TIMM50: variants seen among roughly 807,000 people sequenced by gnomAD.
The protein encoded by TIMM50 is mitochondrial import inner membrane translocase subunit TIM50.
Under a neutral mutation model 49.6 loss-of-function variants are expected in TIMM50, and 34 were observed. That is an observed-to-expected ratio of 0.69 (90% CI 0.52 to 0.91). The LOEUF is 0.91. Ranked by LOEUF, TIMM50 falls within the 40% of genes least tolerant of loss-of-function variation. TIMM50 has a pLI of 0.00. For synonymous variants in TIMM50, 199 were observed against 198.4 expected (o/e 1.00, Z -0.03); for missense variants, 458 against 477.8 (o/e 0.96, Z 0.39).
Position 39,485,631 on chromosome 19 carries a change from A to G in TIMM50, c.372+29A>G, listed in dbSNP as rs1477720353. Reference sequence around the variant, plus strand: ...AGCAGAAGCCCTGGGCTCAGTCCCCATGTCTCCAGCCCTGGCCTCCTTGTC... The same window carrying G: ...AGCAGAAGCCCTGGGCTCAGTCCCCGTGTCTCCAGCCCTGGCCTCCTTGTC... On this transcript the variant is annotated intron_variant, in intron 5 of 10. Transcript: ENST00000607714. 5.6e-6 allele frequency: 9 copies of G among 1,614,014 alleles called. No homozygotes were observed. In the South Asian group the frequency reaches 8.8e-5, roughly 16 times the overall value.
chr19:39,488,492 C>T (rs1267121278), intron 9 of TIMM50, 47 bp from the exon 10 acceptor site: 2 of 1,564,976 alleles, frequency 1.3e-6, no homozygotes, highest in South Asian at 1.1e-5. Flanking sequence ...CCCTGCCTCC[C>T]TCTGGCCTTT....
rs2146157485 is a variant in TIMM50, at chr19:39,486,474, C to A, written c.675C>A (p.Tyr225Ter). The A allele has an allele frequency of 6.2e-7, 1 of 1,614,146 alleles. No individual in the cohort carries two copies. Among genetic ancestry groups the A allele is most frequent in the African/African-American group, 1.3e-5 (1 of 75,040 alleles). Residue 225 changes from tyrosine to a stop codon, truncating the protein, a stop_gained, in exon 8 of 11, where the codon TAC (tyrosine) becomes TAA (stop). Coordinates refer to ENST00000607714, the MANE Select transcript of TIMM50 (RefSeq NM_001001563.5). LOFTEE classifies it high-confidence loss of function. ...SYRLFRDATR[Y>*]MDGHHVKDIS... is the part of the protein sequence containing the mutation. The stretch of plus-strand genomic sequence containing the variant: ...GCCTATTCCGGGACGCCACAAGATA[C>A]ATGGATGGACACCATGTAAAGGTGC...
At chr19:39,482,494 A>G (rs1200807337) in intron 2 of TIMM50, among the ~76,000 whole-genome samples, 3 of 92,870 alleles carry the variant, frequency 3.2e-5, no homozygotes, top group African/African-American at 1.7e-4. Context: ...CATCTCTACT[A>G]AAAATACAAA....
At position 39,490,604 on chromosome 19, in the gene TIMM50, G is replaced by A. The variant is rs1404189900; in HGVS notation, c.*784G>A. 1 of 151,894 alleles carries A rather than the reference G, an allele frequency of 6.6e-6. No homozygotes were observed. Among genetic ancestry groups the A allele is most frequent in the Non-Finnish European group, 1.5e-5 (1 of 68,004 alleles). 9.4% of individuals were successfully genotyped at this position (151,894 alleles called of 1,614,324 possible). On this transcript the variant is annotated 3_prime_UTR_variant, in exon 11 of 11. Coordinates refer to ENST00000607714, the MANE Select transcript of TIMM50 (RefSeq NM_001001563.5). ...GAGATGGGGTCTTGGTGCCCAAGCT[G>A]GTCTCAAACTCCTAGTCTTAAGCAA...
rs1305664939 is a variant in TIMM50, at chr19:39,492,929, C to G, written c.*3109C>G. 1.3e-5 allele frequency: 2 copies of G among 150,816 alleles called. No homozygotes were observed. Among genetic ancestry groups the G allele is most frequent in the African/African-American group, 2.4e-5 (1 of 41,078 alleles). 9.3% of individuals were successfully genotyped at this position (150,816 alleles called of 1,614,324 possible). On this transcript the variant is annotated 3_prime_UTR_variant, in exon 11 of 11. Transcript: ENST00000607714. ...CCAGTTTGACTTTATCTCCCTCGCC[C>G]TGCCTCCATCCCCACATTGCCCCCC...
intron 7 of TIMM50, 39 bp downstream of exon 7, chr19:39,486,330 G>T (rs759926150): frequency 2.5e-6 from 4 of 1,612,890 alleles, no homozygotes. Context: ...TTGGTGTGGT[G>T]GGAGGCGTAG....
At chr19:39,484,418 T>G (rs2079491585) in intron 4 of TIMM50, among the ~76,000 whole-genome samples, 1 of 151,948 alleles carries the variant, frequency 6.6e-6, no homozygotes, top group Non-Finnish European at 1.5e-5. Flanking sequence ...AAAAAATAAG[T>G]TAAAATGAGA....
chr19:39,486,508 C>T lies in TIMM50; in HGVS notation c.696+13C>T, dbSNP rs1468744371. ...ACACCATGTAAAGGTGCCGTGGGTT[C>T]ATGGGTGGGCCTCTGGGATTTGGCG... On this transcript the variant is annotated intron_variant, in intron 8 of 10. Coordinates refer to ENST00000607714, the MANE Select transcript of TIMM50 (RefSeq NM_001001563.5). 3.1e-6 allele frequency: 5 copies of T among 1,612,626 alleles called. No individual in the cohort carries two copies. The highest frequency in any genetic ancestry group is 4.2e-6 in the Non-Finnish European group (5 of 1,178,746).
In TIMM50 at chr19:39,489,860, C is replaced by T; in HGVS notation, c.*40C>T. Reference sequence around the variant, plus strand: ...CAAACTCAGTGCCTGGGTCCAGGGCCCCAGTGCTTCCAGACCAAGACTTGG... The same window carrying T: ...CAAACTCAGTGCCTGGGTCCAGGGCTCCAGTGCTTCCAGACCAAGACTTGG... On this transcript the variant is annotated 3_prime_UTR_variant, in exon 11 of 11. Transcript: ENST00000607714. The T allele has an allele frequency of 1.3e-6, 2 of 1,557,700 alleles. No homozygotes were observed. The highest frequency in any genetic ancestry group is 8.7e-7 in the Non-Finnish European group (1 of 1,144,522).
In TIMM50 at chr19:39,488,523, CCT is replaced by C. The variant is rs756070317; in HGVS notation, c.854-15_854-14del. On this transcript the variant is annotated splice_polypyrimidine_tract_variant and intron_variant, in intron 9 of 10. Transcript: ENST00000607714. Reference sequence around the variant, plus strand: ...CCTTTAGAAGCCTGGCTGACCACCCCCTGTTGTGCCCACAGCCATTGCACTGA... The same window carrying C: ...CCTTTAGAAGCCTGGCTGACCACCCCGTTGTGCCCACAGCCATTGCACTGA... The C allele has an allele frequency of 5.6e-6, 9 of 1,610,196 alleles. No homozygotes were observed. Among genetic ancestry groups the C allele is most frequent in the South Asian group, 3.3e-5 (3 of 90,946 alleles).
intron 2 of TIMM50, among the ~76,000 whole-genome samples, chr19:39,482,375 C>T (rs367661721): frequency 6.6e-6 from 1 of 152,032 alleles, no homozygotes; most frequent in Admixed American, 6.6e-5. Context: ...CCCACAGACC[C>T]GGCCGGGCAC....
At chr19:39,487,173 C>T (rs1205903259) in intron 8 of TIMM50, among the ~76,000 whole-genome samples, 1 of 152,164 alleles carries the variant, frequency 6.6e-6, no homozygotes, top group Non-Finnish European at 1.5e-5. Context: ...ACGAGAGTGG[C>T]CACCTCCCTC....
At chr19:39,481,741 C>T in intron 1 of TIMM50, 142 bp from the exon 2 acceptor site, 1 of 1,087,956 alleles carries the variant, frequency 9.2e-7, no homozygotes. Flanking sequence ...CACATCCTGA[C>T]TGCTACTCCA....
intron 4 of TIMM50, chr19:39,483,486 C>T: frequency 3.0e-6 from 1 of 335,784 alleles, no homozygotes; most frequent in Non-Finnish European, 5.5e-6. Context: ...TTCCCCATCC[C>T]CCTCGAGCCC....
Position 39,489,888 on chromosome 19 carries a change from C to T in TIMM50, c.*68C>T, listed in dbSNP as rs778255611. On this transcript the variant is annotated 3_prime_UTR_variant, in exon 11 of 11. Transcript: ENST00000607714. ...AGTGCTTCCAGACCAAGACTTGGGCCACCACTTGTCCAATAAAGTACATCC... is the reference window on the plus strand; with the variant it reads ...AGTGCTTCCAGACCAAGACTTGGGCTACCACTTGTCCAATAAAGTACATCC... 4 of 1,429,178 alleles carry T rather than the reference C, an allele frequency of 2.8e-6. No homozygotes were observed. Among genetic ancestry groups the T allele is most frequent in the Non-Finnish European group, 3.9e-6 (4 of 1,033,606 alleles). The allele number at this position is 1,429,178 out of a possible 1,614,324, so 88.5% of individuals were successfully genotyped here. A position where few individuals can be genotyped will look rare whatever the true frequency, so the allele number is the denominator to read the frequency against.
intron 8 of TIMM50, among the ~76,000 whole-genome samples, chr19:39,486,876 G>A (rs1034630502): frequency 6.6e-6 from 1 of 152,214 alleles, no homozygotes; most frequent in South Asian, 2.1e-4. Flanking sequence ...ACTGTGGCCA[G>A]TGCTGTATTC....
intron 8 of TIMM50, among the ~76,000 whole-genome samples, chr19:39,487,501 A>G (rs2079514629): frequency 6.6e-6 from 1 of 151,710 alleles, no homozygotes; most frequent in African/African-American, 2.4e-5. Context: ...TCTGTTGCCT[A>G]GGCTGGAGTG....
rs1210981417 is a variant in TIMM50 at position 39,480,896 on chromosome 19, C to T, written c.43C>T (p.Leu15Phe). The stretch of plus-strand genomic sequence containing the variant: ...GGTGTTCTCGCGCTTGCGAAGCGGG[C>T]TCCGGCTCGGCTCGCGGGGACTGTG... ...AAVFSRLRSG[L>F]RLGSRGLCTR... Residue 15 changes from leucine (L) to phenylalanine (F), a missense_variant, in exon 1 of 11, where the codon CTC (leucine) becomes TTC (phenylalanine). Physicochemically the swap from Leu to Phe is conservative, Grantham distance 22 (BLOSUM62 0). Transcript: ENST00000607714. 6 of 1,598,106 alleles carry T rather than the reference C, an allele frequency of 3.8e-6. No homozygotes were observed. In the African/African-American group the frequency reaches 5.3e-5, roughly 14 times the overall value.
rs1446516313 is a variant in TIMM50 at position 39,485,771 on chromosome 19, G to A, written c.456G>A (p.Leu152=). The stretch of plus-strand genomic sequence containing the variant: ...ACCAGCCACCCTACACGCTCGTTTT[G>A]GAGCTCACCGGCGTCCTCTTGCATC... ...PYYQPPYTLV[L]ELTGVLLHPE... The change falls in exon 6 of 11, where the codon TTG becomes TTA. Residue 152 remains leucine (L), a synonymous_variant. Coordinates refer to ENST00000607714, the MANE Select transcript of TIMM50 (RefSeq NM_001001563.5). 1 of 1,614,140 alleles carries A rather than the reference G, an allele frequency of 6.2e-7. No individual in the cohort carries two copies. Among genetic ancestry groups the A allele is most frequent in the South Asian group, 1.1e-5 (1 of 91,084 alleles).
Sources: gnomAD v4.1 joint callset for allele counts (sites outside exome capture counted in the v4.1 genomes callset) on GRCh38, gnomAD v4.1.1 for gene constraint, MANE v1.5 for transcripts, NCBI Gene and HGNC (gene_info 2026-07-23, HGNC 2026-07-21) for gene names.